The following SEC24D variants were observed in gnomAD, a reference collection of about 807,000 sequenced individuals.
The protein encoded by SEC24D is SEC24 homolog D, COPII component, also known as protein transport protein Sec24D.
A neutral mutation model predicts 116.9 loss-of-function variants in SEC24D; 69 were observed. That is an observed-to-expected ratio of 0.59 (90% CI 0.49 to 0.72). The LOEUF (loss-of-function observed/expected upper bound fraction) is 0.72. SEC24D is among the 30% of genes least tolerant of loss of function. The pLI is 0.00. For synonymous variants in SEC24D, 405 were observed against 442.8 expected (o/e 0.91, Z 1.07); for missense variants, 1,131 against 1,264.1 (o/e 0.89, Z 1.60).
At position 118,817,248 on chromosome 4, in the gene SEC24D, A is replaced by G. The variant is rs1486755069; in HGVS notation, c.397+16T>C. ...GACACAAGGCAGTCAATAAACACTA[A>G]TAATAAAACTATTACCATAGCTGTT... On this transcript the variant is annotated intron_variant, in intron 4 of 22. Coordinates refer to ENST00000280551, the MANE Select transcript of SEC24D (RefSeq NM_014822.4). 1 of 1,582,236 alleles carries G rather than the reference A, an allele frequency of 6.3e-7. No individual in the cohort carries two copies. The highest frequency in any genetic ancestry group is 2.2e-5 in the East Asian group (1 of 44,558).
At chr4:118,731,605 A>C in intron 20 of SEC24D, 98 bp from the exon 21 acceptor site, 4 of 905,540 alleles carry the variant, frequency 4.4e-6, no homozygotes, top group East Asian at 2.5e-5. Context: ...CCCTCCCTCA[A>C]TGCATAGTGA....
At chr4:118,806,276 T>C (rs968635843) in intron 6 of SEC24D, among the ~76,000 whole-genome samples, 5 of 152,328 alleles carry the variant, frequency 3.3e-5, no homozygotes, top group Admixed American at 3.3e-4. Flanking sequence ...GAGAACTTTA[T>C]TTTTATCCAA....
intron 3 of SEC24D, among the ~76,000 whole-genome samples, chr4:118,821,722 C>CTATG (rs56049542): frequency 0.044 from 6,649 of 152,316 alleles, 200 homozygotes; most frequent in Non-Finnish European, 0.064. Flanking sequence ...CATATGCCAT[C>CTATG]TATGCTCTTT....
chr4:118,802,065 G>C (rs1398642340), intron 7 of SEC24D, among the ~76,000 whole-genome samples: 1 of 152,122 alleles, frequency 6.6e-6, no homozygotes, highest in Non-Finnish European at 1.5e-5. Flanking sequence ...AAGAGTGACA[G>C]TAAAAATAGA....
At position 118,738,295 on chromosome 4, in the gene SEC24D, C is replaced by T. The variant is rs922274399; in HGVS notation, c.2462G>A (p.Arg821Gln). ...NQTAHMLACY[R>Q]KNCASPSAAS... ...TGCAGAAGGACTTGCACAATTCTTC[C>T]GGTAACATGCCAACATATGGGCAGT... The change falls in exon 19 of 23, where the codon CGG becomes CAG. Residue 821 changes from arginine to glutamine, a missense_variant. By Grantham distance (43) the Arg-to-Gln change is conservative. Coordinates refer to ENST00000280551, the MANE Select transcript of SEC24D (RefSeq NM_014822.4). 55 of 1,613,322 alleles carry T rather than the reference C, an allele frequency of 3.4e-5. No individual in the cohort carries two copies. The highest frequency in any genetic ancestry group is 4.4e-5 in the Non-Finnish European group (52 of 1,179,496).
At position 118,744,081 on chromosome 4, in the gene SEC24D, G is replaced by A. The variant is rs773536721; in HGVS notation, c.1902C>T (p.Leu634=). The A allele has an allele frequency of 2.1e-5, 34 of 1,613,448 alleles. No homozygotes were observed. Among genetic ancestry groups the A allele is most frequent in the Non-Finnish European group, 2.8e-5 (33 of 1,179,682 alleles). ...DCVAHGCSVT[L]FLFPSQYVDV... ...CCACATACTGACTAGGAAAGAGGAA[G>A]AGTGTCACAGAGCAGCCGTGAGCCA... Residue 634 remains leucine (L), a synonymous_variant, in exon 15 of 23, where the codon CTC becomes CTT. Transcript: ENST00000280551.
intron 8 of SEC24D, among the ~76,000 whole-genome samples, chr4:118,797,182 G>A (rs1420976343): frequency 6.6e-6 from 1 of 152,120 alleles, no homozygotes; most frequent in Non-Finnish European, 1.5e-5. Context: ...TATATGTTGA[G>A]CACATATTTT....
At chr4:118,797,546 A>G (rs1729233753) in intron 8 of SEC24D, 137 bp downstream of exon 8, 1 of 695,098 alleles carries the variant, frequency 1.4e-6, no homozygotes, top group South Asian at 3.6e-5. Flanking sequence ...GATGAATTCA[A>G]TTACTAGATG....
At chr4:118,725,037 G>C (rs1161855909) in intron 22 of SEC24D, among the ~76,000 whole-genome samples, 1 of 152,188 alleles carries the variant, frequency 6.6e-6, no homozygotes, top group African/African-American at 2.4e-5. Context: ...TTATCAAGCA[G>C]AGAGTAACTC....
chr4:118,815,246 G>A (rs1202751114), intron 5 of SEC24D, 91 bp from the exon 6 acceptor site: 1 of 1,481,394 alleles, frequency 6.8e-7, no homozygotes, highest in Non-Finnish European at 9.2e-7. Flanking sequence ...AGTCAAGCAT[G>A]TTGTATTTTT....
chr4:118,790,823 T>G lies in SEC24D; in HGVS notation c.1041+6860A>C, dbSNP rs527752890. Among the ~76,000 whole-genome samples, 264 of 150,210 alleles carry G rather than the reference T, an allele frequency of 1.8e-3. 1 individual carries two copies. Among genetic ancestry groups the G allele is most frequent in the African/African-American group, 6.3e-3 (254 of 40,630 alleles). On this transcript the variant is annotated intron_variant, in intron 8 of 22. Coordinates refer to ENST00000280551, the MANE Select transcript of SEC24D (RefSeq NM_014822.4). The stretch of plus-strand genomic sequence containing the variant: ...AAAAAACACTGTACTAAATAAATAC[T>G]TTGGTAGATGTCAAAGCAGCTTATC...
chr4:118,833,769 A>T, intron 1 of SEC24D, 32 bp from the exon 2 acceptor site: 1 of 1,020,338 alleles, frequency 9.8e-7, no homozygotes, highest in Non-Finnish European at 1.5e-6. Flanking sequence ...CATGTTACCA[A>T]GACAGTTTTA....
intron 8 of SEC24D, among the ~76,000 whole-genome samples, chr4:118,785,124 C>A (rs910739956): frequency 6.6e-6 from 1 of 152,070 alleles, no homozygotes; most frequent in Non-Finnish European, 1.5e-5. Context: ...TTTAAATTGT[C>A]AATTACTTTC....
intron 5 of SEC24D, 34 bp downstream of exon 5, chr4:118,815,417 C>T (rs778169803): frequency 3.1e-6 from 5 of 1,608,894 alleles, no homozygotes; most frequent in Non-Finnish European, 4.3e-6. Context: ...CCCTGGGTAA[C>T]ACAAAGCCTT....
chr4:118,742,044 T>C (rs1255999724), intron 15 of SEC24D, among the ~76,000 whole-genome samples: 1 of 152,210 alleles, frequency 6.6e-6, no homozygotes, highest in East Asian at 1.9e-4. Flanking sequence ...TTTCCTCTGC[T>C]GCATTATAAC....
chr4:118,724,340 C>T (rs1050866744), intron 22 of SEC24D, among the ~76,000 whole-genome samples: 2 of 151,912 alleles, frequency 1.3e-5, no homozygotes, highest in Non-Finnish European at 2.9e-5. Flanking sequence ...CTGTGCTGTC[C>T]AGTACAACAG....
At chr4:118,741,078 TA>T in intron 15 of SEC24D, 41 bp from the exon 16 acceptor site, 4 of 917,058 alleles carry the variant, frequency 4.4e-6, no homozygotes, top group Non-Finnish European at 5.0e-6. Flanking sequence ...CAGATGGCAG[TA>T]AAATACTTAA....
chr4:118,746,214 G>A (rs13115786), intron 13 of SEC24D, among the ~76,000 whole-genome samples: 5 of 107,564 alleles, frequency 4.6e-5, no homozygotes, highest in Non-Finnish European at 1.0e-4. Context: ...AGGAAGGAGG[G>A]AGGGGAGGTT....
intron 2 of SEC24D, among the ~76,000 whole-genome samples, chr4:118,832,313 G>A (rs896055696): frequency 7.2e-5 from 11 of 152,184 alleles, no homozygotes; most frequent in African/African-American, 2.4e-4. Flanking sequence ...GGTAAACAGA[G>A]TCAAATACAA....
Sources: gnomAD v4.1 joint callset for allele counts (sites outside exome capture counted in the v4.1 genomes callset) on GRCh38, gnomAD v4.1.1 for gene constraint, MANE v1.5 for transcripts, NCBI Gene and HGNC (gene_info 2026-07-23, HGNC 2026-07-21) for gene names.